ASCC3: variants seen among roughly 807,000 people sequenced by gnomAD.
The protein encoded by ASCC3 is activating signal cointegrator 1 complex subunit 3, also known as ASC-1 complex subunit P200.
Under a neutral mutation model 256.3 loss-of-function variants are expected in ASCC3, and 158 were observed. The observed-to-expected ratio is 0.62, with a 90% CI of 0.54 to 0.70. The LOEUF (loss-of-function observed/expected upper bound fraction) is 0.70, where lower values mean the gene tolerates loss of function less well. Ranked by LOEUF, ASCC3 falls within the 30% of genes least tolerant of loss-of-function variation. The pLI is 0.00. For synonymous variants in ASCC3, 948 were observed against 883.4 expected (o/e 1.07, Z -1.30); for missense variants, 2,259 against 2,626.0 (o/e 0.86, Z 3.05).
intron 8 of ASCC3, among the ~76,000 whole-genome samples, chr6:100,786,633 A>C (rs1377024347): frequency 2.0e-5 from 3 of 152,186 alleles, no homozygotes; most frequent in Non-Finnish European, 2.9e-5. Flanking sequence ...CAAGAAACTA[A>C]AAATGACATT....
chr6:100,535,209 T>C (rs1252944703), intron 37 of ASCC3, among the ~76,000 whole-genome samples: 1 of 152,070 alleles, frequency 6.6e-6, no homozygotes, highest in Non-Finnish European at 1.5e-5. Context: ...TGATGTCCCA[T>C]GAGAGAGGTA....
chr6:100,600,138 T>C (rs1393877959), intron 34 of ASCC3, among the ~76,000 whole-genome samples: 1 of 151,814 alleles, frequency 6.6e-6, no homozygotes, highest in African/African-American at 2.4e-5. Context: ...CCTTGATTCT[T>C]ATGTAATAGA....
At chr6:100,541,254 T>C (rs1775445829) in intron 36 of ASCC3, among the ~76,000 whole-genome samples, 1 of 151,836 alleles carries the variant, frequency 6.6e-6, no homozygotes, top group African/African-American at 2.4e-5. Context: ...GGGGCTGGAT[T>C]TATCCTCCTA....
Position 100,629,274 on chromosome 6 carries a change from A to G in ASCC3, c.4209-93T>C, listed in dbSNP as rs949796131. 19 of 1,197,332 alleles carry G rather than the reference A, an allele frequency of 1.6e-5. No individual in the cohort carries two copies. In the Admixed American group the frequency reaches 3.4e-4, roughly 22 times the overall value. The allele number at this position is 1,197,332 out of a possible 1,614,324, so 74.2% of individuals were successfully genotyped here. ...CCTATCTCTTTTAAAATAAAATTTT[A>G]TAAGGCTTAAAATTACTTTATCTAC... On this transcript the variant is annotated intron_variant, in intron 26 of 41. Transcript: ENST00000369162.
intron 14 of ASCC3, among the ~76,000 whole-genome samples, chr6:100,666,107 T>A (rs1200845621): frequency 1.3e-5 from 2 of 152,194 alleles, no homozygotes; most frequent in African/African-American, 4.8e-5. Flanking sequence ...CCCAGATTAA[T>A]GGCTTTGAGA....
intron 4 of ASCC3, among the ~76,000 whole-genome samples, chr6:100,833,738 T>C (rs757336054): frequency 4.3e-4 from 66 of 152,130 alleles, no homozygotes; most frequent in Non-Finnish European, 8.1e-4. Context: ...AACTGAAGGA[T>C]GTGTCATTCA....
intron 13 of ASCC3, among the ~76,000 whole-genome samples, chr6:100,685,956 C>T (rs1207431012): frequency 1.3e-5 from 2 of 152,176 alleles, no homozygotes; most frequent in Non-Finnish European, 2.9e-5. Flanking sequence ...TCTTCTAGTA[C>T]TTCCTCTATC....
In ASCC3 at chr6:100,647,404, T is replaced by C. The variant is rs1775434946; in HGVS notation, c.3300A>G (p.Lys1100=). ...VRALFEIALR[K]RWPTMTYRLL... The stretch of plus-strand genomic sequence containing the variant: ...GCCTGTAGGTCATGGTAGGCCAACG[T>C]TTCCTCAGAGCAATTTCAAAAAGAG... The change falls in exon 21 of 42, where the codon AAA becomes AAG. Residue 1100 remains lysine, a synonymous_variant. Coordinates refer to ENST00000369162, the MANE Select transcript of ASCC3 (RefSeq NM_006828.4). The C allele has an allele frequency of 6.2e-7, 1 of 1,613,898 alleles. No individual in the cohort carries two copies. Among genetic ancestry groups the C allele is most frequent in the South Asian group, 1.1e-5 (1 of 91,074 alleles).
At chr6:100,628,844 G>A (rs575965513) in intron 27 of ASCC3, among the ~76,000 whole-genome samples, 171 bp downstream of exon 27, 27 of 152,094 alleles carry the variant, frequency 1.8e-4, no homozygotes, top group African/African-American at 5.8e-4. Flanking sequence ...TATGTAAGGT[G>A]ATAGATGTTA....
At chr6:100,552,199 T>C (rs1769335705) in intron 36 of ASCC3, among the ~76,000 whole-genome samples, 1 of 151,836 alleles carries the variant, frequency 6.6e-6, no homozygotes, top group African/African-American at 2.4e-5. Flanking sequence ...CTCTAAAGGA[T>C]GTTAACTGAA....
intron 3 of ASCC3, among the ~76,000 whole-genome samples, chr6:100,853,103 T>C (rs548513557): frequency 6.6e-6 from 1 of 152,206 alleles, no homozygotes; most frequent in Non-Finnish European, 1.5e-5. Flanking sequence ...TTATAAATAA[T>C]TTTCAAACTT....
At position 100,509,853 on chromosome 6, in the gene ASCC3, A is replaced by C; in HGVS notation, c.6461+79T>G. The stretch of plus-strand genomic sequence containing the variant: ...CAGTGAGCAGAGATCGCGCCACTGC[A>C]CTCCAGCCTGGGCGACAGAGCGAGA... On this transcript the variant is annotated intron_variant, in intron 41 of 41. Transcript: ENST00000369162. 4 of 1,416,548 alleles carry C rather than the reference A, an allele frequency of 2.8e-6. No homozygotes were observed. The East Asian group carries it at 6.9e-5, about 24-fold the overall frequency. 87.7% of individuals were successfully genotyped at this position (1,416,548 alleles called of 1,614,324 possible).
Position 100,508,456 on chromosome 6 carries a change from A to T in ASCC3, c.*930T>A, listed in dbSNP as rs528714927. On this transcript the variant is annotated 3_prime_UTR_variant, in exon 42 of 42. Coordinates refer to ENST00000369162, the MANE Select transcript of ASCC3 (RefSeq NM_006828.4). Reference sequence around the variant, plus strand: ...TTTTCAAGAAGGAATTTGTTTGGACATAGAGAAATTTTCTTTATTACAGGT... The same window carrying T: ...TTTTCAAGAAGGAATTTGTTTGGACTTAGAGAAATTTTCTTTATTACAGGT... 1.3e-4 allele frequency: 20 copies of T among 152,284 alleles called. No homozygotes were observed. The South Asian group carries it at 1.7e-3, about 13-fold the overall frequency. The allele number at this position is 152,284 out of a possible 1,614,324, so 9.4% of individuals were successfully genotyped here. A position where few individuals can be genotyped will look rare whatever the true frequency, so the allele number is the denominator to read the frequency against.
chr6:100,655,367 T>C (rs560059411), intron 17 of ASCC3, among the ~76,000 whole-genome samples: 68 of 151,988 alleles, frequency 4.5e-4, no homozygotes, highest in African/African-American at 1.5e-3. Context: ...ATATGGTCTA[T>C]AAGTTTCCTC....
chr6:100,856,551 C>T (rs1312013719), intron 3 of ASCC3: 2 of 484,752 alleles, frequency 4.1e-6, no homozygotes, highest in Non-Finnish European at 5.4e-6. Context: ...AAAAAACGAA[C>T]ACACCTGTGT....
chr6:100,660,914 T>C (rs1011677757), intron 16 of ASCC3, among the ~76,000 whole-genome samples: 3 of 151,760 alleles, frequency 2.0e-5, no homozygotes, highest in Non-Finnish European at 3.0e-5. Context: ...CACTTCTTAA[T>C]AGAGAAAATG....
intron 4 of ASCC3, among the ~76,000 whole-genome samples, chr6:100,811,015 G>A (rs561847361): frequency 2.0e-5 from 3 of 152,046 alleles, no homozygotes; most frequent in Non-Finnish European, 4.4e-5. Flanking sequence ...GTGGCCGGGC[G>A]GGGTGGCAAG....
intron 36 of ASCC3, among the ~76,000 whole-genome samples, chr6:100,565,232 G>A (rs1421973171): frequency 6.6e-6 from 1 of 152,038 alleles, no homozygotes; most frequent in Non-Finnish European, 1.5e-5. Flanking sequence ...TCTCAGCCAG[G>A]TTTCCAATGG....
chr6:100,871,724 C>A (rs1260746689), intron 1 of ASCC3, among the ~76,000 whole-genome samples: 1 of 152,184 alleles, frequency 6.6e-6, no homozygotes, highest in Non-Finnish European at 1.5e-5. Flanking sequence ...CATGATCATG[C>A]CACTGCAGTC....
Sources: gnomAD v4.1 joint callset for allele counts (sites outside exome capture counted in the v4.1 genomes callset) on GRCh38, gnomAD v4.1.1 for gene constraint, MANE v1.5 for transcripts, NCBI Gene and HGNC (gene_info 2026-07-23, HGNC 2026-07-21) for gene names.